The following ING5 variants were observed in gnomAD, a reference collection of about 807,000 sequenced individuals.
ING5 encodes inhibitor of growth protein 5.
In ING5, 17 loss-of-function variants were observed where a neutral mutation model predicts 37.4. That is an observed-to-expected ratio of 0.45 (90% CI 0.31 to 0.68). ING5 has a LOEUF of 0.68. Among genes scored for constraint, ING5 ranks in the 30% least tolerant of loss-of-function variants. ING5 has a pLI of 0.05. For synonymous variants in ING5, 123 were observed against 116.6 expected (o/e 1.06, Z -0.36); for missense variants, 233 against 311.9 (o/e 0.75, Z 1.91).
intron 1 of ING5, among the ~76,000 whole-genome samples, chr2:241,702,503 C>T (rs909038783): frequency 7.2e-5 from 11 of 152,082 alleles, no homozygotes; most frequent in Non-Finnish European, 1.3e-4. Context: ...GGAGCTGGCG[C>T]CCGCTGCGGG....
Position 241,709,394 on chromosome 2 carries a change from G to A in ING5, c.276+12G>A. On this transcript the variant is annotated intron_variant, in intron 3 of 7. Transcript: ENST00000313552. ...AGACCTACGAGATGGTGAGGGCGGGGCGGGGGCCATGGCTCTTCCTCTGAC... is the reference window on the plus strand; with the variant it reads ...AGACCTACGAGATGGTGAGGGCGGGACGGGGGCCATGGCTCTTCCTCTGAC... 2 of 1,608,116 alleles carry A rather than the reference G, an allele frequency of 1.2e-6. No individual in the cohort carries two copies. Among genetic ancestry groups the A allele is most frequent in the African/African-American group, 1.3e-5 (1 of 74,806 alleles).
chr2:241,720,837 C>T, intron 5 of ING5: 2 of 985,788 alleles, frequency 2.0e-6, no homozygotes, highest in Non-Finnish European at 2.4e-6. Context: ...TTGCCTCCCT[C>T]AGGGCTGATA....
chr2:241,705,222 C>T lies in ING5; in HGVS notation c.109+498C>T, dbSNP rs113502486. Among the ~76,000 whole-genome samples the T allele has an allele frequency of 9.8e-4, 147 of 149,984 alleles. 1 individual carries two copies. The highest frequency in any genetic ancestry group is 3.3e-3 in the African/African-American group (135 of 40,796). On this transcript the variant is annotated intron_variant, in intron 2 of 7. Coordinates refer to ENST00000313552, the MANE Select transcript of ING5 (RefSeq NM_032329.6). ...CCTGAGTAGCTGGGACTACAGGTGCCCGCCACCACGCCTGGCTAATTTTTT... is the reference window on the plus strand; with the variant it reads ...CCTGAGTAGCTGGGACTACAGGTGCTCGCCACCACGCCTGGCTAATTTTTT...
chr2:241,720,211 G>A, intron 5 of ING5: 1 of 1,232,616 alleles, frequency 8.1e-7, no homozygotes, highest in Non-Finnish European at 1.0e-6. Flanking sequence ...GGTGTGTGCA[G>A]GAGCCCGCCT....
chr2:241,699,479 T>C (rs1401742498), upstream of ING5, among the ~76,000 whole-genome samples: 1 of 152,176 alleles, frequency 6.6e-6, no homozygotes, highest in Non-Finnish European at 1.5e-5. Context: ...GGTTTGATCA[T>C]GGCTCACTGC....
intron 2 of ING5, among the ~76,000 whole-genome samples, chr2:241,708,661 G>A (rs948664523): frequency 6.6e-6 from 1 of 152,174 alleles, no homozygotes; most frequent in Non-Finnish European, 1.5e-5. Context: ...GTGTGTGGCT[G>A]TAGTTTGCTC....
rs111507152 is a variant in ING5, at chr2:241,728,455, G to T, written c.*3424G>T. 6.5e-6 allele frequency: 1 copy of T among 152,708 alleles called. No homozygotes were observed. Among genetic ancestry groups the T allele is most frequent in the Non-Finnish European group, 1.5e-5 (1 of 68,096 alleles). 9.5% of individuals were successfully genotyped at this position (152,708 alleles called of 1,614,324 possible). A position where few individuals can be genotyped will look rare whatever the true frequency, so the allele number is the denominator to read the frequency against. On this transcript the variant is annotated 3_prime_UTR_variant, in exon 8 of 8. Transcript: ENST00000313552. ...GTGGGTCCTCTGTGGCTGTGCGATT[G>T]ACCTCGATGGGAAGGAGCGTTCTAC... is the stretch of plus-strand genomic sequence containing the variant.
At chr2:241,720,723 A>G (rs2070409688) in intron 5 of ING5, 5 of 985,466 alleles carry the variant, frequency 5.1e-6, no homozygotes, top group Admixed American at 6.1e-5. Flanking sequence ...GAGTTAGCAC[A>G]GAGGGTGCCT....
chr2:241,720,314 C>G, intron 5 of ING5: 1 of 1,221,896 alleles, frequency 8.2e-7, no homozygotes, highest in Admixed American at 4.3e-5. Context: ...GGTGCCAGGC[C>G]GCTCTGCCTC....
chr2:241,707,929 C>T lies in ING5; in HGVS notation c.110-1287C>T, dbSNP rs149458299. Reference sequence around the variant, plus strand: ...CTTTTTTTTTTCTGAGACGGAGTCTCGCTTTACCATCAGGCTGGAGTGCAG... The same window carrying T: ...CTTTTTTTTTTCTGAGACGGAGTCTTGCTTTACCATCAGGCTGGAGTGCAG... On this transcript the variant is annotated intron_variant, in intron 2 of 7. Transcript: ENST00000313552. 3.0e-3 allele frequency among the ~76,000 whole-genome samples: 453 copies of T among 152,186 alleles called. 1 individual carries two copies. Among genetic ancestry groups the T allele is most frequent in the African/African-American group, 0.011 (436 of 41,524 alleles).
chr2:241,710,912 C>G (rs1269355242), intron 3 of ING5, among the ~76,000 whole-genome samples: 1 of 151,776 alleles, frequency 6.6e-6, no homozygotes, highest in African/African-American at 2.4e-5. Flanking sequence ...CGCGCCTGCC[C>G]TAATTTTTGT....
At position 241,709,202 on chromosome 2, in the gene ING5, C is replaced by T; in HGVS notation, c.110-14C>T. The T allele has an allele frequency of 6.2e-7, 1 of 1,605,064 alleles. No homozygotes were observed. The highest frequency in any genetic ancestry group is 8.5e-7 in the Non-Finnish European group (1 of 1,174,726). ...TCTTGTGCAGGGCTAGCTTTTCCCCCATTTCTCCATCAGATAAGAAAGCAG... is the reference window on the plus strand; with the variant it reads ...TCTTGTGCAGGGCTAGCTTTTCCCCTATTTCTCCATCAGATAAGAAAGCAG... On this transcript the variant is annotated splice_polypyrimidine_tract_variant and intron_variant, in intron 2 of 7. Transcript: ENST00000313552.
exon 1 of ING5, chr2:241,687,595 T>G (rs1421068381): frequency 1.7e-5 from 6 of 353,508 alleles, no homozygotes; most frequent in Non-Finnish European, 3.0e-5. Flanking sequence ...TGGCGCGATC[T>G]CTGCTCACTG....
In ING5 at chr2:241,702,106, A is replaced by AGC. The variant is rs1211319394; in HGVS notation, c.37+9_37+10dup. On this transcript the variant is annotated splice_donor_region_variant and intron_variant, in intron 1 of 7. Coordinates refer to ENST00000313552, the MANE Select transcript of ING5 (RefSeq NM_032329.6). ...TACTTGGAGCACTATCTGGACAGTA[A>AGC]GCGCGCCCCACGGGCCCCGCGCCCG... 18 of 1,332,246 alleles carry AGC rather than the reference A, an allele frequency of 1.4e-5. No individual in the cohort carries two copies. In the East Asian group the frequency reaches 4.8e-4, roughly 36 times the overall value. 82.5% of individuals were successfully genotyped at this position (1,332,246 alleles called of 1,614,324 possible). A position where few individuals can be genotyped will look rare whatever the true frequency, so the allele number is the denominator to read the frequency against.
chr2:241,696,775 C>T (rs1403730772), intron 2 of ING5, among the ~76,000 whole-genome samples: 1 of 151,220 alleles, frequency 6.6e-6, no homozygotes, highest in Non-Finnish European at 1.5e-5. Flanking sequence ...AGAGCAAGAC[C>T]CTGACTCTAA....
At chr2:241,702,026 C>T, upstream of ING5, 2 of 1,346,404 alleles carry the variant, frequency 1.5e-6, no homozygotes, top group South Asian at 3.3e-5. Flanking sequence ...CCCGCGGCAC[C>T]GCCCGCCCGC....
intron 7 of ING5, chr2:241,723,850 A>G: frequency 6.4e-7 from 1 of 1,551,190 alleles, no homozygotes; most frequent in Non-Finnish European, 8.8e-7. Flanking sequence ...ACTCTACAAA[A>G]AATACAAAAA....
chr2:241,724,922 G>A (rs1691547632), intron 7 of ING5, 67 bp from the exon 8 acceptor site: 2 of 1,509,094 alleles, frequency 1.3e-6, no homozygotes, highest in African/African-American at 1.4e-5. Flanking sequence ...TGGGGAGGCG[G>A]GCCCTGGGCA....
intron 7 of ING5, chr2:241,724,641 C>G (rs919524752): frequency 5.9e-6 from 2 of 340,066 alleles, no homozygotes; most frequent in Non-Finnish European, 1.1e-5. Context: ...GCTCTCAACG[C>G]GTGCTTGGTA....
Sources: gnomAD v4.1 joint callset for allele counts (sites outside exome capture counted in the v4.1 genomes callset) on GRCh38, gnomAD v4.1.1 for gene constraint, MANE v1.5 for transcripts, NCBI Gene and HGNC (gene_info 2026-07-23, HGNC 2026-07-21) for gene names.